COX7B2: variants seen among roughly 807,000 people sequenced by gnomAD.
The protein encoded by COX7B2 is cytochrome c oxidase subunit 7B2, mitochondrial.
For synonymous variants in COX7B2, 37 were observed against 32.1 expected, an observed-to-expected ratio of 1.15 and a Z score of -0.51; for missense variants, 109 against 95.9, an observed-to-expected ratio of 1.14 and a Z score of -0.57.
chr4:46,846,048 A>G (rs1288558897), intron 1 of COX7B2, among the ~76,000 whole-genome samples: 1 of 152,024 alleles, frequency 6.6e-6, no homozygotes, highest in East Asian at 1.9e-4. Context: ...ATCAGACCCT[A>G]GTGCCAACTG....
intron 2 of COX7B2, among the ~76,000 whole-genome samples, chr4:46,811,853 G>GTAATC (rs763029422): frequency 2.9e-4 from 44 of 152,324 alleles, no homozygotes; most frequent in Non-Finnish European, 5.1e-4. Context: ...ACCCAGAGGT[G>GTAATC]TAATCTACAT....
intron 1 of COX7B2, among the ~76,000 whole-genome samples, chr4:46,880,412 CTTTTTTTTT>C (rs548281459): frequency 4.0e-4 from 34 of 85,616 alleles, no homozygotes; most frequent in African/African-American, 1.5e-3. Context: ...AGGTCCTGGG[CTTTTTTTTT>C]TTTTTTTTTT....
chr4:46,867,684 A>G (rs1717752207), intron 1 of COX7B2, among the ~76,000 whole-genome samples: 1 of 152,092 alleles, frequency 6.6e-6, no homozygotes, highest in Admixed American at 6.5e-5. Flanking sequence ...ACCTCAATAA[A>G]CCTGCTTATG....
chr4:46,837,059 T>C (rs1355578001), intron 2 of COX7B2, among the ~76,000 whole-genome samples: 1 of 152,146 alleles, frequency 6.6e-6, no homozygotes, highest in Non-Finnish European at 1.5e-5. Context: ...CAGCATTTAA[T>C]TGAGATATGT....
intron 2 of COX7B2, among the ~76,000 whole-genome samples, chr4:46,826,570 T>C (rs777035172): frequency 1.3e-5 from 2 of 152,164 alleles, no homozygotes; most frequent in Non-Finnish European, 2.9e-5. Flanking sequence ...CGAATGTTCA[T>C]TGTAGCACTA....
chr4:46,785,826 G>A (rs916319059), intron 2 of COX7B2, among the ~76,000 whole-genome samples: 1 of 152,046 alleles, frequency 6.6e-6, no homozygotes, highest in African/African-American at 2.4e-5. Context: ...CCCTGCCTAG[G>A]AGGAAACATG....
intron 1 of COX7B2, among the ~76,000 whole-genome samples, chr4:46,867,182 T>A (rs79387963): frequency 1.9e-3 from 286 of 152,252 alleles, no homozygotes; most frequent in African/African-American, 6.4e-3. Context: ...CCTCCTTACA[T>A]CAGATAACCA....
intron 2 of COX7B2, among the ~76,000 whole-genome samples, chr4:46,758,921 C>G (rs1256976984): frequency 6.6e-6 from 1 of 152,044 alleles, no homozygotes; most frequent in Admixed American, 6.6e-5. Context: ...TTGCAGAAAA[C>G]CACAAGAAAA....
At chr4:46,854,465 A>C (rs933712787) in intron 1 of COX7B2, among the ~76,000 whole-genome samples, 3 of 152,220 alleles carry the variant, frequency 2.0e-5, no homozygotes, top group African/African-American at 7.2e-5. Context: ...TTAAATTAGA[A>C]AGATAAAATA....
At chr4:46,735,857 T>C (rs926902458) in intron 2 of COX7B2, among the ~76,000 whole-genome samples, 6 of 152,134 alleles carry the variant, frequency 3.9e-5, no homozygotes, top group Non-Finnish European at 7.4e-5. Context: ...TCTTTTTAAA[T>C]AGAAATATTT....
At chr4:46,757,809 A>G (rs1038268440) in intron 2 of COX7B2, among the ~76,000 whole-genome samples, 1 of 152,162 alleles carries the variant, frequency 6.6e-6, no homozygotes, top group Non-Finnish European at 1.5e-5. Context: ...AAAAATAAAA[A>G]TAAAAAGAGA....
At chr4:46,868,458 G>A (rs1408283254) in intron 1 of COX7B2, among the ~76,000 whole-genome samples, 1 of 152,134 alleles carries the variant, frequency 6.6e-6, no homozygotes, top group African/African-American at 2.4e-5. Flanking sequence ...CAGTTGTGAA[G>A]TTAATATTGT....
chr4:46,762,591 G>A (rs1352084429), intron 2 of COX7B2, among the ~76,000 whole-genome samples: 1 of 148,552 alleles, frequency 6.7e-6, no homozygotes, highest in African/African-American at 2.5e-5. Flanking sequence ...GCTTTCTAAT[G>A]TTCTAAACTG....
chr4:46,816,004 G>A (rs141724973), intron 2 of COX7B2, among the ~76,000 whole-genome samples: 5 of 152,236 alleles, frequency 3.3e-5, no homozygotes, highest in African/African-American at 7.2e-5. Context: ...AACGAGACCC[G>A]TGACTATTAT....
chr4:46,887,170 C>A (rs1309058847), intron 1 of COX7B2, among the ~76,000 whole-genome samples: 1 of 152,222 alleles, frequency 6.6e-6, no homozygotes, highest in African/African-American at 2.4e-5. Context: ...TTCTGAGAAG[C>A]ATTTTAAGGA....
At chr4:46,890,094 T>A (rs992680869) in intron 1 of COX7B2, among the ~76,000 whole-genome samples, 1 of 152,054 alleles carries the variant, frequency 6.6e-6, no homozygotes, top group Non-Finnish European at 1.5e-5. Flanking sequence ...CTAATAATAA[T>A]GAAGAAAGCA....
intron 2 of COX7B2, among the ~76,000 whole-genome samples, chr4:46,843,527 T>C (rs1716076758): frequency 2.0e-5 from 3 of 151,978 alleles, no homozygotes; most frequent in Admixed American, 2.0e-4. Flanking sequence ...ATTTTTTTAA[T>C]CTATGTTTTT....
chr4:46,824,350 C>G (rs550754788), intron 2 of COX7B2, among the ~76,000 whole-genome samples: 1 of 152,204 alleles, frequency 6.6e-6, no homozygotes, highest in East Asian at 1.9e-4. Flanking sequence ...CAAAATCTGG[C>G]AACATACACA....
chr4:46,739,983 TTTA>T (rs1714607900), intron 2 of COX7B2, among the ~76,000 whole-genome samples: 1 of 152,082 alleles, frequency 6.6e-6, no homozygotes, highest in South Asian at 2.1e-4. Flanking sequence ...GAATTTTTAA[TTTA>T]TTAATAAATT....
Sources: allele counts gnomAD v4.1 joint callset (sites outside exome capture counted in the v4.1 genomes callset), GRCh38; gene constraint gnomAD v4.1.1; transcripts MANE v1.5; gene names NCBI Gene and HGNC (gene_info 2026-07-23, HGNC 2026-07-21).